Variants in FHAD1 observed in about 807,000 individuals in gnomAD.
FHAD1 encodes forkhead associated phosphopeptide binding domain 1, also known as forkhead-associated domain-containing protein 1.
A neutral mutation model predicts 191.3 loss-of-function variants in FHAD1; 146 were observed. The observed-to-expected ratio is 0.76, with a 90% CI of 0.67 to 0.88. The LOEUF is 0.88. FHAD1 is among the 40% of genes least tolerant of loss of function. FHAD1 has a pLI of 0.00. For missense variants in FHAD1, 1,635 were observed against 1,785.8 expected (o/e 0.92, Z 1.52); for synonymous variants, 616 against 672.3 (o/e 0.92, Z 1.29).
intron 16 of FHAD1, 96 bp from the exon 17 acceptor site, chr1:15,344,987 G>A (rs486089): frequency 0.4 from 356,535 of 894,034 alleles, 77,743 homozygotes; most frequent in East Asian, 0.9. Flanking sequence ...AGGGGAGTGC[G>A]GTGAGGAGTG....
chr1:15,373,277 G>A (rs1461573765), intron 26 of FHAD1, among the ~76,000 whole-genome samples: 4 of 152,054 alleles, frequency 2.6e-5, no homozygotes, highest in Admixed American at 6.6e-5. Context: ...TTGGGAGGCC[G>A]AGGGAGGCGG....
At chr1:15,263,510 CTTTTTTTTT>C (rs771788861) in intron 2 of FHAD1, among the ~76,000 whole-genome samples, 31 of 75,054 alleles carry the variant, frequency 4.1e-4, no homozygotes, top group East Asian at 2.9e-3. Context: ...CAGTTTTATT[CTTTTTTTTT>C]TTTTTTTTTT....
chr1:15,297,554 G>A (rs1177620071), intron 5 of FHAD1, among the ~76,000 whole-genome samples: 1 of 152,200 alleles, frequency 6.6e-6, no homozygotes, highest in East Asian at 1.9e-4. Flanking sequence ...TGAGTAAGGT[G>A]GGAAGTCAGG....
exon 1 of FHAD1, among the ~76,000 whole-genome samples, chr1:15,236,629 G>T (rs935007832): frequency 1.3e-5 from 2 of 152,256 alleles, no homozygotes; most frequent in Non-Finnish European, 1.5e-5. Flanking sequence ...TGGAGCTGCA[G>T]CAGTCTTTCT....
intron 7 of FHAD1, among the ~76,000 whole-genome samples, chr1:15,309,302 C>T (rs1263668660): frequency 6.6e-6 from 1 of 152,248 alleles, no homozygotes; most frequent in Non-Finnish European, 1.5e-5. Flanking sequence ...TTCATTCATT[C>T]ATTCAGCACA....
chr1:15,395,781 A>G (rs1359868674), intron 33 of FHAD1, among the ~76,000 whole-genome samples: 3 of 150,554 alleles, frequency 2.0e-5, no homozygotes, highest in Non-Finnish European at 4.4e-5. Context: ...AACTTTCTTA[A>G]AACATTATGG....
chr1:15,313,015 C>T, intron 7 of FHAD1, 42 bp from the exon 8 acceptor site: 1 of 1,548,326 alleles, frequency 6.5e-7, no homozygotes, highest in Non-Finnish European at 8.7e-7. Context: ...TGACAGTCAT[C>T]CTCACTGCCT....
chr1:15,313,917 C>G (rs1673091745), intron 8 of FHAD1, among the ~76,000 whole-genome samples: 1 of 151,722 alleles, frequency 6.6e-6, no homozygotes, highest in Non-Finnish European at 1.5e-5. Flanking sequence ...CTAAAAATAA[C>G]AAAAATTAGC....
chr1:15,393,826 G>A (rs954239037), intron 33 of FHAD1, among the ~76,000 whole-genome samples: 1 of 151,530 alleles, frequency 6.6e-6, no homozygotes, highest in African/African-American at 2.4e-5. Flanking sequence ...TGAGCCCAGT[G>A]TTTGGAGGAC....
rs1176303112 is a variant in FHAD1 at position 15,313,067 on chromosome 1, A to G, written c.1050A>G (p.Ser350=). 13 of 1,551,576 alleles carry G rather than the reference A, an allele frequency of 8.4e-6. No individual in the cohort carries two copies. The East Asian group carries it at 2.7e-4, about 32-fold the overall frequency. Residue 350 remains serine (S), a synonymous_variant, in exon 8 of 34, where the codon TCA becomes TCG. Coordinates refer to ENST00000688493, the MANE Select transcript of FHAD1 (RefSeq NM_001391957.1). ...TCTTCTTTTTTACAGGGATGGTGTC[A>G]TCTTTGCAAAAAGACATATTAGCAA... The part of the protein sequence containing the change: ...RDNAITSGMV[S]SLQKDILAKD...
chr1:15,379,827 C>T (rs1348443754), intron 28 of FHAD1, among the ~76,000 whole-genome samples: 1 of 152,198 alleles, frequency 6.6e-6, no homozygotes. Context: ...TGACACAGCA[C>T]ATGTTTCAGA....
At chr1:15,301,509 C>A in intron 6 of FHAD1, 68 bp downstream of exon 6, 1 of 1,355,776 alleles carries the variant, frequency 7.4e-7, no homozygotes, top group Non-Finnish European at 1.0e-6. Context: ...GGACCACCAA[C>A]CAAGGTGAGC....
At chr1:15,358,616 G>C (rs535072251) in intron 21 of FHAD1, among the ~76,000 whole-genome samples, 10 of 152,318 alleles carry the variant, frequency 6.6e-5, no homozygotes, top group African/African-American at 2.4e-4. Flanking sequence ...CTCTCTGCAC[G>C]GTGTTCTGAG....
At chr1:15,296,897 T>C (rs1284035854) in intron 5 of FHAD1, 104 bp downstream of exon 5, 3 of 868,106 alleles carry the variant, frequency 3.5e-6, no homozygotes, top group Non-Finnish European at 5.3e-6. Context: ...CTTATCCTGC[T>C]TCCAAGAAAC....
At chr1:15,356,142 A>C (rs530344232) in intron 20 of FHAD1, among the ~76,000 whole-genome samples, 1 of 152,176 alleles carries the variant, frequency 6.6e-6, no homozygotes, top group Non-Finnish European at 1.5e-5. Context: ...TTCGGATGCT[A>C]TTTTTGATAT....
chr1:15,307,188 C>T (rs1670766496), intron 6 of FHAD1, among the ~76,000 whole-genome samples: 1 of 152,168 alleles, frequency 6.6e-6, no homozygotes, highest in Admixed American at 6.5e-5. Flanking sequence ...GGATTTCAGA[C>T]TTTCATGGGC....
chr1:15,338,534 C>T (rs1366034784), intron 14 of FHAD1, among the ~76,000 whole-genome samples: 1 of 152,176 alleles, frequency 6.6e-6, no homozygotes, highest in African/African-American at 2.4e-5. Context: ...TTAACTTAAT[C>T]GTATTTGCCA....
rs3002001 is a variant in FHAD1 at position 15,396,708 on chromosome 1, G to A, written c.4324-589G>A. ...GCCTGTAGTCCCAGCTGCTTGGGAGGCTGAGGCAGGAGAATCACTTGAATC... is the reference window on the plus strand; with the variant it reads ...GCCTGTAGTCCCAGCTGCTTGGGAGACTGAGGCAGGAGAATCACTTGAATC... On this transcript the variant is annotated intron_variant, in intron 33 of 33. Transcript: ENST00000688493. 5.3e-4 allele frequency among the ~76,000 whole-genome samples: 80 copies of A among 152,088 alleles called. 1 individual carries two copies. The highest frequency in any genetic ancestry group is 1.8e-3 in the African/African-American group (73 of 41,510).
chr1:15,321,200 G>C (rs1274495426), intron 10 of FHAD1, among the ~76,000 whole-genome samples: 1 of 152,168 alleles, frequency 6.6e-6, no homozygotes, highest in Non-Finnish European at 1.5e-5. Flanking sequence ...CCAAAGTGCT[G>C]GGATTATAGG....
Sources: allele counts gnomAD v4.1 joint callset (sites outside exome capture counted in the v4.1 genomes callset), GRCh38; gene constraint gnomAD v4.1.1; transcripts MANE v1.5; gene names NCBI Gene and HGNC (gene_info 2026-07-23, HGNC 2026-07-21).